The following VRK2 variants were observed in gnomAD, a reference collection of about 807,000 sequenced individuals.
VRK2 encodes the protein serine/threonine-protein kinase VRK2.
In VRK2, 60 loss-of-function variants were observed where a neutral mutation model predicts 57.6. That is an observed-to-expected ratio of 1.04 (90% confidence interval 0.85 to 1.29). The LOEUF (loss-of-function observed/expected upper bound fraction) is 1.29. Among genes scored for constraint, VRK2 ranks in the 50% most tolerant of loss-of-function variants. VRK2 has a pLI of 0.00. For missense variants in VRK2, 705 were observed against 588.1 expected (o/e 1.20, Z -2.06); for synonymous variants, 231 against 199.2 (o/e 1.16, Z -1.35).
At chr2:58,050,396 G>T (rs1675535625) in intron 2 of VRK2, among the ~76,000 whole-genome samples, 1 of 152,154 alleles carries the variant, frequency 6.6e-6, no homozygotes, top group Admixed American at 6.5e-5. Context: ...GATAAGTATT[G>T]TTTGAAACTT....
At chr2:57,966,648 G>GA (rs987477338) in intron 1 of VRK2, among the ~76,000 whole-genome samples, 6 of 150,984 alleles carry the variant, frequency 4.0e-5, no homozygotes, top group South Asian at 2.1e-4. Context: ...ACGCTTTTCA[G>GA]AAAAAAAATA....
At chr2:58,095,500 T>A (rs556627900) in intron 7 of VRK2, among the ~76,000 whole-genome samples, 61 of 152,276 alleles carry the variant, frequency 4.0e-4, no homozygotes, top group Non-Finnish European at 5.3e-4. Context: ...TTTCTTATTA[T>A]GTTTGTTTCA....
At chr2:58,049,039 TA>T in intron 2 of VRK2, 72 bp downstream of exon 2, 1 of 1,529,254 alleles carries the variant, frequency 6.5e-7, no homozygotes, top group Non-Finnish European at 8.8e-7. Context: ...AGTGGTATTT[TA>T]AGAATGGAAA....
intron 2 of VRK2, among the ~76,000 whole-genome samples, chr2:58,032,944 T>C (rs1674161449): frequency 6.6e-6 from 1 of 152,120 alleles, no homozygotes; most frequent in Non-Finnish European, 1.5e-5. Context: ...TGTGTGGGTG[T>C]TCTGTCTCAC....
chr2:58,147,270 G>T (rs1682306841), intron 12 of VRK2: 1 of 473,226 alleles, frequency 2.1e-6, no homozygotes, highest in Non-Finnish European at 4.3e-6. Context: ...TCTTCAGCCA[G>T]CCAACAAGCC....
At chr2:57,990,256 G>T (rs138467154) in intron 1 of VRK2, among the ~76,000 whole-genome samples, 2,415 of 152,222 alleles carry the variant, frequency 0.016, 23 homozygotes, top group Non-Finnish European at 0.022. Context: ...TCTTGTTTCT[G>T]CAAAGGCTTA....
intron 7 of VRK2, among the ~76,000 whole-genome samples, chr2:58,106,438 A>C (rs902214746): frequency 6.6e-6 from 1 of 152,018 alleles, no homozygotes; most frequent in African/African-American, 2.4e-5. Flanking sequence ...ATCATTTATA[A>C]TATTACTAAA....
rs558106936 is a variant in VRK2 at position 58,116,885 on chromosome 2, G to T, written c.544-6216G>T. On this transcript the variant is annotated intron_variant, in intron 7 of 12. Transcript: ENST00000340157. The stretch of plus-strand genomic sequence containing the variant: ...TTTCTGGCACTTGTAGCAAGCTCCT[G>T]GGGGAGGAGGTTCTGGAGGAACGCC... Among the ~76,000 whole-genome samples, 1,157 of 152,286 alleles carry T rather than the reference G, an allele frequency of 7.6e-3. 7 individuals are homozygous for T. Among genetic ancestry groups the T allele is most frequent in the Non-Finnish European group, 0.011 (775 of 68,022 alleles).
chr2:58,142,769 G>C (rs1283533637), intron 11 of VRK2, among the ~76,000 whole-genome samples: 1 of 151,804 alleles, frequency 6.6e-6, no homozygotes, highest in African/African-American at 2.4e-5. Context: ...GCCCCATTAC[G>C]ACCCTTGAAT....
chr2:58,007,922 A>G (rs1399614379), intron 1 of VRK2, among the ~76,000 whole-genome samples: 1 of 152,186 alleles, frequency 6.6e-6, no homozygotes, highest in Non-Finnish European at 1.5e-5. Context: ...GCAATATGCT[A>G]AAATTACAAA....
At chr2:58,043,714 T>A (rs1436506700), upstream of VRK2, among the ~76,000 whole-genome samples, 1 of 152,202 alleles carries the variant, frequency 6.6e-6, no homozygotes, top group Admixed American at 6.5e-5. Flanking sequence ...TACAAGTCTT[T>A]GTGTGGATAC....
At chr2:57,982,810 T>A (rs1558525160) in intron 1 of VRK2, among the ~76,000 whole-genome samples, 2 of 152,180 alleles carry the variant, frequency 1.3e-5, no homozygotes, top group African/African-American at 4.8e-5. Context: ...CAGTGAACAT[T>A]GGGGAATGGG....
intron 7 of VRK2, among the ~76,000 whole-genome samples, chr2:58,110,411 A>G (rs370209055): frequency 1.6e-4 from 25 of 152,372 alleles, no homozygotes; most frequent in Middle Eastern, 6.8e-3. Flanking sequence ...GAAAATAACT[A>G]TATGACAAAA....
chr2:58,057,982 T>C (rs542017415), intron 2 of VRK2, among the ~76,000 whole-genome samples: 1 of 152,200 alleles, frequency 6.6e-6, no homozygotes, highest in Non-Finnish European at 1.5e-5. Flanking sequence ...AAATCAATCA[T>C]TGAAAATGTG....
At chr2:58,050,513 G>A (rs1172734295) in intron 2 of VRK2, among the ~76,000 whole-genome samples, 5 of 152,184 alleles carry the variant, frequency 3.3e-5, no homozygotes, top group Admixed American at 2.6e-4. Context: ...ATGTGGCTGA[G>A]CTATAGCCTT....
intron 1 of VRK2, among the ~76,000 whole-genome samples, chr2:57,954,977 G>C (rs955346785): frequency 1.3e-5 from 2 of 152,118 alleles, no homozygotes; most frequent in Admixed American, 6.6e-5. Flanking sequence ...CCCCAATTAA[G>C]TATAAAGCAT....
intron 3 of VRK2, chr2:58,040,929 G>A (rs1229507586): frequency 4.4e-6 from 3 of 680,970 alleles, no homozygotes; most frequent in Non-Finnish European, 5.4e-6. Context: ...ATGACACACA[G>A]GAAAACTATT....
chr2:58,049,905 G>A (rs1209288961), intron 2 of VRK2, among the ~76,000 whole-genome samples: 1 of 152,012 alleles, frequency 6.6e-6, no homozygotes, highest in East Asian at 1.9e-4. Flanking sequence ...AATGAATGAA[G>A]TTTGGTCAAT....
At chr2:58,016,184 T>C (rs1234509645) in intron 1 of VRK2, among the ~76,000 whole-genome samples, 3 of 151,220 alleles carry the variant, frequency 2.0e-5, no homozygotes, top group Non-Finnish European at 2.9e-5. Context: ...ATAATATCCA[T>C]CTTACAGTTT....
Sources: allele counts gnomAD v4.1 joint callset (sites outside exome capture counted in the v4.1 genomes callset), GRCh38; gene constraint gnomAD v4.1.1; transcripts MANE v1.5; gene names NCBI Gene and HGNC (gene_info 2026-07-23, HGNC 2026-07-21).